Variants in ERBB2 observed in about 807,000 individuals in gnomAD.
ERBB2 encodes receptor tyrosine-protein kinase erbB-2.
In ERBB2, 61 loss-of-function variants were observed where a neutral mutation model predicts 149.0. The observed-to-expected ratio is 0.41, with a 90% CI of 0.33 to 0.51. The LOEUF is 0.51. Among genes scored for constraint, ERBB2 ranks in the 20% least tolerant of loss-of-function variants. The pLI is 0.25. For missense variants in ERBB2, 1,205 were observed against 1,655.1 expected, an observed-to-expected ratio of 0.73 and a Z score of 4.72; for synonymous variants, 633 against 678.8, an observed-to-expected ratio of 0.93 and a Z score of 1.05.
In ERBB2 at chr17:39,723,764, T is replaced by A; in HGVS notation, c.2208+104T>A. On this transcript the variant is annotated intron_variant, in intron 18 of 26. Coordinates refer to ENST00000269571, the MANE Select transcript of ERBB2 (RefSeq NM_004448.4). The surrounding 1 kb of genome is among the most constrained non-coding windows in gnomAD (Gnocchi z 6.2). Reference sequence around the variant, plus strand: ...GGAGGGGCAAGAGCTGGAGGCAGTGTTTGGGGGAGGGCAGTTACAGCGGAG... The same window carrying A: ...GGAGGGGCAAGAGCTGGAGGCAGTGATTGGGGGAGGGCAGTTACAGCGGAG... 1 of 1,525,034 alleles carries A rather than the reference T, an allele frequency of 6.6e-7. No individual in the cohort carries two copies. The allele number at this position is 1,525,034 out of a possible 1,614,324, so 94.5% of individuals were successfully genotyped here.
At position 39,710,442 on chromosome 17, in the gene ERBB2, C is replaced by T. The variant is rs1387549970; in HGVS notation, c.862C>T (p.Arg288Trp). ...TFESMPNPEGRYTFGASCVTA... is the reference protein window; with the variant it reads ...TFESMPNPEGWYTFGASCVTA... ...TGAGTCCATGCCCAATCCCGAGGGCCGGTATACATTCGGCGCCAGCTGTGT... is the reference window on the plus strand; with the variant it reads ...TGAGTCCATGCCCAATCCCGAGGGCTGGTATACATTCGGCGCCAGCTGTGT... Residue 288 changes from arginine to tryptophan, a missense_variant, in exon 7 of 27, where the codon CGG becomes TGG. Around this residue, in one of 6 missense-constraint regions of ERBB2, gnomAD observed 569 missense variants for 803.5 expected, o/e 0.71. Transcript: ENST00000269571. 6.2e-7 allele frequency: 1 copy of T among 1,613,906 alleles called. No individual in the cohort carries two copies. Among genetic ancestry groups the T allele is most frequent in the East Asian group, 2.2e-5 (1 of 44,898 alleles).
intron 4 of ERBB2, 125 bp from the exon 5 acceptor site, chr17:39,709,688 G>A: frequency 9.7e-7 from 1 of 1,026,528 alleles, no homozygotes; most frequent in Middle Eastern, 2.0e-4. Context: ...AGCCTGTCTG[G>A]GTCCCTCCCT....
In ERBB2 at chr17:39,708,261, GGGA is replaced by G. The variant is rs1305485740; in HGVS notation, c.226-57_226-55del. The G allele has an allele frequency of 3.3e-5, 47 of 1,407,732 alleles. No individual in the cohort carries two copies. The Admixed American group carries it at 6.8e-4, about 20-fold the overall frequency. 87.2% of individuals were successfully genotyped at this position (1,407,732 alleles called of 1,614,324 possible). On this transcript the variant is annotated intron_variant, in intron 2 of 26. Coordinates refer to ENST00000269571, the MANE Select transcript of ERBB2 (RefSeq NM_004448.4). ...GATCTCCAAGTACTGGGGAACCCCA[GGGA>G]GGCCCTGGGGGGTGGCAGTGTTCCT...
intron 1 of ERBB2, among the ~76,000 whole-genome samples, chr17:39,700,641 T>TC (rs2058047173): frequency 6.6e-6 from 1 of 152,162 alleles, no homozygotes; most frequent in African/African-American, 2.4e-5. Context: ...CGCGCGCGTT[T>TC]CCCCCCTTCT....
rs748176467 is a variant in ERBB2 at position 39,711,938 on chromosome 17, T to C, written c.912T>C (p.Leu304=). 6.2e-7 allele frequency: 1 copy of C among 1,614,108 alleles called. No individual in the cohort carries two copies. Among genetic ancestry groups the C allele is most frequent in the Non-Finnish European group, 8.5e-7 (1 of 1,179,988 alleles). The change falls in exon 8 of 27, where the codon CTT becomes CTC. Residue 304 remains leucine (L), a synonymous_variant. Transcript: ENST00000269571. ...SCVTACPYNY[L]STDVGSCTLV... is the part of the protein sequence containing the mutation. ...TCCTGATCTCCTTAGACAACTACCT[T>C]TCTACGGACGTGGGATCCTGCACCC...
At chr17:39,695,882 T>C (rs1056098421), upstream of ERBB2, among the ~76,000 whole-genome samples, 8 of 152,238 alleles carry the variant, frequency 5.3e-5, no homozygotes, top group South Asian at 2.1e-4. Flanking sequence ...CTGTCCTGCC[T>C]CTTCAGTGTC....
intron 12 of ERBB2, 117 bp downstream of exon 12, chr17:39,716,056 C>A: frequency 8.7e-7 from 1 of 1,150,548 alleles, no homozygotes; most frequent in South Asian, 1.5e-5. Context: ...GTGCACCCTT[C>A]TTGACTCAGC....
chr17:39,711,793 T>C, intron 7 of ERBB2, 135 bp from the exon 8 acceptor site: 3 of 1,006,470 alleles, frequency 3.0e-6, no homozygotes, highest in Non-Finnish European at 4.5e-6. Flanking sequence ...GGTAAATGGA[T>C]GTCAGGTGCT....
At chr17:39,706,842 A>C in intron 1 of ERBB2, 148 bp from the exon 2 acceptor site, 1 of 599,700 alleles carries the variant, frequency 1.7e-6, no homozygotes. Context: ...TTAAACCTGC[A>C]GTGTGCAAGG....
chr17:39,715,773 C>T lies in ERBB2; in HGVS notation c.1347C>T (p.Gly449=), dbSNP rs2059085885. The change falls in exon 12 of 27, where the codon GGC becomes GGT. Residue 449 remains glycine (G), a synonymous_variant. Transcript: ENST00000269571. ...ACTCGCTGACCCTGCAAGGGCTGGGCATCAGCTGGCTGGGGCTGCGCTCAC... is the reference window on the plus strand; with the variant it reads ...ACTCGCTGACCCTGCAAGGGCTGGGTATCAGCTGGCTGGGGCTGCGCTCAC... ...GAYSLTLQGL[G]ISWLGLRSLR... is the part of the protein sequence containing the mutation. The T allele has an allele frequency of 2.5e-6, 4 of 1,608,200 alleles. No homozygotes were observed. The highest frequency in any genetic ancestry group is 3.3e-5 in the Admixed American group (2 of 60,006).
chr17:39,723,089 G>T lies in ERBB2; in HGVS notation c.1947-230G>T, dbSNP rs2059535038. ...CCAGAGCCAAGGGCAAGAGTATAGAGAATCTGGAGATGCGGAGAGGGTTCT... is the reference window on the plus strand; with the variant it reads ...CCAGAGCCAAGGGCAAGAGTATAGATAATCTGGAGATGCGGAGAGGGTTCT... On this transcript the variant is annotated intron_variant, in intron 16 of 26. Transcript: ENST00000269571. This position sits in a 1 kb window ranked among gnomAD's most constrained non-coding sequence, Gnocchi z 6.2. Among the ~76,000 whole-genome samples, 1 of 152,176 alleles carries T rather than the reference G, an allele frequency of 6.6e-6. No homozygotes were observed. The highest frequency in any genetic ancestry group is 2.1e-4 in the South Asian group (1 of 4,828).
At chr17:39,713,909 T>A (rs988223782) in intron 9 of ERBB2, among the ~76,000 whole-genome samples, 3 of 151,592 alleles carry the variant, frequency 2.0e-5, no homozygotes, top group Non-Finnish European at 1.5e-5. Flanking sequence ...ACACAAAAAA[T>A]TAGCCGGGCA....
chr17:39,720,334 G>A (rs1161623031), intron 16 of ERBB2: 1 of 163,500 alleles, frequency 6.1e-6, no homozygotes, highest in African/African-American at 2.4e-5. Context: ...CAAAGTTCTG[G>A]TGTCGGGGGC....
chr17:39,690,544 G>C (rs533318444), upstream of ERBB2, among the ~76,000 whole-genome samples: 240 of 152,302 alleles, frequency 1.6e-3, no homozygotes, highest in Non-Finnish European at 2.0e-3. Context: ...AGAGACTTCT[G>C]TTCTGTTGAC....
upstream of ERBB2, among the ~76,000 whole-genome samples, chr17:39,693,566 A>G (rs2057758914): frequency 6.6e-6 from 1 of 151,754 alleles, no homozygotes; most frequent in Admixed American, 6.6e-5. Context: ...ACTGCAGCCA[A>G]AAACTTCTGG....
intron 8 of ERBB2, 51 bp from the exon 9 acceptor site, chr17:39,712,271 C>A (rs2145572165): frequency 6.2e-7 from 1 of 1,611,026 alleles, no homozygotes; most frequent in Non-Finnish European, 8.5e-7. Context: ...TTGACCTGTC[C>A]CGGTATGAAG....
At chr17:39,700,814 G>T (rs1057443468) in intron 1 of ERBB2, among the ~76,000 whole-genome samples, 15 of 152,222 alleles carry the variant, frequency 9.9e-5, no homozygotes, top group Middle Eastern at 3.4e-3. Flanking sequence ...CTTCTGGCGG[G>T]GTCGGGTGTG....
chr17:39,710,064 C>T (rs2058705698), intron 5 of ERBB2, 22 bp from the exon 6 acceptor site: 1 of 1,594,324 alleles, frequency 6.3e-7, no homozygotes, highest in African/African-American at 1.3e-5. Flanking sequence ...ACTCAGCCCT[C>T]ATCCTGCCCT....
At chr17:39,717,282 A>T (rs2145703833) in intron 14 of ERBB2, 38 bp from the exon 15 acceptor site, 1 of 1,541,282 alleles carries the variant, frequency 6.5e-7, no homozygotes, top group Non-Finnish European at 8.9e-7. Flanking sequence ...TGGGGGTGTC[A>T]GTGCCAGCCC....
Sources: gnomAD v4.1 joint callset for allele counts (sites outside exome capture counted in the v4.1 genomes callset) on GRCh38, gnomAD v4.1.1 for gene constraint, gnomAD v4.1.1 regional missense constraint, Gnocchi (gnomAD v3.1) non-coding constraint, MANE v1.5 for transcripts, NCBI Gene and HGNC (gene_info 2026-07-23, HGNC 2026-07-21) for gene names.